CCL28: variants seen among roughly 807,000 people sequenced by gnomAD.
The protein encoded by CCL28 is C-C motif chemokine ligand 28, also known as C-C motif chemokine 28.
Under a neutral mutation model 7.1 loss-of-function variants are expected in CCL28, and 4 were observed. The observed-to-expected ratio is 0.56, with a 90% CI of 0.28 to 1.29. CCL28 has a LOEUF of 1.29. Among genes scored for constraint, CCL28 ranks in the 50% most tolerant of loss-of-function variants. CCL28 has a pLI of 0.11. For missense variants in CCL28, 151 were observed against 163.4 expected, an observed-to-expected ratio of 0.92 and a Z score of 0.41; for synonymous variants, 55 against 57.8, an observed-to-expected ratio of 0.95 and a Z score of 0.22.
chr5:43,408,369 C>T (rs1741386811), intron 1 of CCL28, among the ~76,000 whole-genome samples: 3 of 152,172 alleles, frequency 2.0e-5, no homozygotes, highest in Admixed American at 2.0e-4. Flanking sequence ...AACCATCATT[C>T]TGAGCAAACT....
downstream of CCL28, among the ~76,000 whole-genome samples, chr5:43,378,925 C>T (rs747270469): frequency 1.3e-5 from 2 of 152,086 alleles, no homozygotes; most frequent in Non-Finnish European, 2.9e-5. Context: ...TGCACCACTG[C>T]ACTCCAGCCT....
At chr5:43,395,787 C>T (rs1246942837) in intron 1 of CCL28, among the ~76,000 whole-genome samples, 1 of 151,550 alleles carries the variant, frequency 6.6e-6, no homozygotes, top group East Asian at 1.9e-4. Context: ...GGCTGGTTGC[C>T]CATTTTTATG....
chr5:43,391,073 A>G (rs1740552406), intron 1 of CCL28, among the ~76,000 whole-genome samples: 1 of 152,200 alleles, frequency 6.6e-6, no homozygotes, highest in Non-Finnish European at 1.5e-5. Context: ...GTAGGGGGAA[A>G]ACATTTCTAA....
intron 1 of CCL28, among the ~76,000 whole-genome samples, chr5:43,407,338 A>G (rs2111905515): frequency 6.6e-6 from 1 of 152,276 alleles, no homozygotes; most frequent in Non-Finnish European, 1.5e-5. Context: ...AAATAATACC[A>G]CACATCTACA....
the CCL28 span, among the ~76,000 whole-genome samples, chr5:43,366,101 G>C: frequency 2.6e-5 from 4 of 152,120 alleles, no homozygotes; most frequent in African/African-American, 9.7e-5. Context: ...CTTGCATTGG[G>C]TTAGAACATG....
intron 1 of CCL28, 30 bp from the exon 2 acceptor site, chr5:43,388,506 A>AT: frequency 6.2e-7 from 1 of 1,608,650 alleles, no homozygotes; most frequent in African/African-American, 1.3e-5. Flanking sequence ...AAAATGTTAA[A>AT]TTTTACGGTT....
rs958501887 is a variant in CCL28, at chr5:43,399,980, G to A, written c.65-11504C>T. On this transcript the variant is annotated intron_variant, in intron 1 of 2. Transcript: ENST00000361115. ...CCTGCCTTAGCTGCCCAAGTAGCTCGGACTACAGGTGCACCCCACTATGCC... is the reference window on the plus strand; with the variant it reads ...CCTGCCTTAGCTGCCCAAGTAGCTCAGACTACAGGTGCACCCCACTATGCC... Among the ~76,000 whole-genome samples, 5 of 151,806 alleles carry A rather than the reference G, an allele frequency of 3.3e-5. 1 individual carries two copies. In the South Asian group the frequency reaches 6.3e-4, roughly 19 times the overall value.
rs746530424 is a variant in CCL28 at position 43,380,841 on chromosome 5, C to A, written c.*1019G>T. ...AATTTTAAAAATTAAAAAAAAAAGA[C>A]AGAGGAACTTTCTTAGATTGAAAGA... On this transcript the variant is annotated 3_prime_UTR_variant, in exon 3 of 3. Coordinates refer to ENST00000361115, the MANE Select transcript of CCL28 (RefSeq NM_148672.3). 2.0e-5 allele frequency: 3 copies of A among 150,868 alleles called. No homozygotes were observed. Among genetic ancestry groups the A allele is most frequent in the Admixed American group, 6.6e-5 (1 of 15,162 alleles). The allele number at this position is 150,868 out of a possible 1,614,324, so 9.3% of individuals were successfully genotyped here. A position where few individuals can be genotyped will look rare whatever the true frequency, so the allele number is the denominator to read the frequency against.
At chr5:43,402,428 A>T (rs1364591179) in intron 1 of CCL28, among the ~76,000 whole-genome samples, 4 of 152,316 alleles carry the variant, frequency 2.6e-5, no homozygotes, top group African/African-American at 9.6e-5. Context: ...GAAGATGCAG[A>T]TTTTCAGAAT....
chr5:43,368,521 T>C, the CCL28 span, among the ~76,000 whole-genome samples: 1 of 152,216 alleles, frequency 6.6e-6, no homozygotes, highest in African/African-American at 2.4e-5. Context: ...GAAAACAACA[T>C]TTCCTTTCCC....
chr5:43,384,175 T>C (rs1403985247), intron 2 of CCL28: 1 of 153,992 alleles, frequency 6.5e-6, no homozygotes, highest in Non-Finnish European at 1.5e-5. Context: ...AAGTCCATTA[T>C]AAAAATAAGA....
the CCL28 span, among the ~76,000 whole-genome samples, chr5:43,368,387 C>A: frequency 6.6e-6 from 1 of 152,162 alleles, no homozygotes; most frequent in African/African-American, 2.4e-5. Context: ...AGGTGGCCAC[C>A]AGCTAAGAAC....
At chr5:43,399,848 T>A (rs908969282) in intron 1 of CCL28, among the ~76,000 whole-genome samples, 1 of 150,346 alleles carries the variant, frequency 6.7e-6, no homozygotes, top group African/African-American at 2.5e-5. Flanking sequence ...TTATTTCTTT[T>A]CTTTTTTTTT....
At chr5:43,392,141 G>A (rs1696139934) in intron 1 of CCL28, among the ~76,000 whole-genome samples, 1 of 148,604 alleles carries the variant, frequency 6.7e-6, no homozygotes, top group Non-Finnish European at 1.5e-5. Context: ...TTTTCAGATG[G>A]AATCTTACTC....
chr5:43,400,943 C>T (rs36000604), intron 1 of CCL28, among the ~76,000 whole-genome samples: 1,924 of 151,868 alleles, frequency 0.013, 36 homozygotes, highest in East Asian at 0.083. Context: ...ATTAACCGGG[C>T]GTGGTGGCAG....
rs1255359238 is a variant in CCL28, at chr5:43,379,664, C to T, written c.*2196G>A. The T allele has an allele frequency of 1.3e-5, 2 of 152,270 alleles. No homozygotes were observed. The highest frequency in any genetic ancestry group is 2.9e-5 in the Non-Finnish European group (2 of 68,082). The allele number at this position is 152,270 out of a possible 1,614,324, so 9.4% of individuals were successfully genotyped here. ...CCAAGACATCCTGGCAACACCACCG[C>T]TTGGGACTAGCCAGCAGGGAGGCCC... On this transcript the variant is annotated 3_prime_UTR_variant, in exon 3 of 3. Coordinates refer to ENST00000361115, the MANE Select transcript of CCL28 (RefSeq NM_148672.3).
chr5:43,370,406 G>A, the CCL28 span, among the ~76,000 whole-genome samples: 1 of 151,886 alleles, frequency 6.6e-6, no homozygotes, highest in South Asian at 2.1e-4. Flanking sequence ...GTCTCTTGGT[G>A]GTTGGCATGA....
At chr5:43,401,436 T>C (rs895293066) in intron 1 of CCL28, among the ~76,000 whole-genome samples, 1 of 152,214 alleles carries the variant, frequency 6.6e-6, no homozygotes. Flanking sequence ...CATAAAAACA[T>C]CCTGAGAGGC....
chr5:43,390,140 T>C (rs992566736), intron 1 of CCL28, among the ~76,000 whole-genome samples: 1 of 152,216 alleles, frequency 6.6e-6, no homozygotes, highest in African/African-American at 2.4e-5. Flanking sequence ...CAGATGATAC[T>C]GAACAATGGT....
Sources: gnomAD v4.1 joint callset for allele counts (sites outside exome capture counted in the v4.1 genomes callset) on GRCh38, gnomAD v4.1.1 for gene constraint, MANE v1.5 for transcripts, NCBI Gene and HGNC (gene_info 2026-07-23, HGNC 2026-07-21) for gene names.